Variants in MAN1A2 observed in about 807,000 individuals in gnomAD.
The protein encoded by MAN1A2 is mannosyl-oligosaccharide 1,2-alpha-mannosidase IB.
MAN1A2 carries 26 observed loss-of-function variants against 75.7 expected under a neutral mutation model. The ratio of observed to expected loss-of-function variants is 0.34; its 90% CI spans 0.25 to 0.48. The LOEUF is 0.48. MAN1A2 is among the 20% of genes least tolerant of loss of function. The probability of loss-of-function intolerance (pLI) is 0.99; values close to 1 mark genes in which losing one functional copy is unlikely to be tolerated. For synonymous variants in MAN1A2, 247 were observed against 264.6 expected (o/e 0.93, Z 0.65); for missense variants, 562 against 775.5 (o/e 0.72, Z 3.27).
At chr1:117,428,078 A>G (rs919349494) in intron 5 of MAN1A2, among the ~76,000 whole-genome samples, 2 of 150,968 alleles carry the variant, frequency 1.3e-5, no homozygotes, top group Non-Finnish European at 2.9e-5. Context: ...AACCACCAAT[A>G]AATAAACTGT....
rs867110741 is a variant in MAN1A2, at chr1:117,377,956, G to C, written c.302+9471G>C. 3.9e-5 allele frequency among the ~76,000 whole-genome samples: 6 copies of C among 152,078 alleles called. 1 individual carries two copies. The highest frequency in any genetic ancestry group is 3.3e-4 in the Admixed American group (5 of 15,266). On this transcript the variant is annotated intron_variant, in intron 1 of 12. Transcript: ENST00000356554. Reference sequence around the variant, plus strand: ...TCTACTAAAAATACAAAAAAAATTAGCCAGGCGTGGTGGTGGGCACCTGTA... The same window carrying C: ...TCTACTAAAAATACAAAAAAAATTACCCAGGCGTGGTGGTGGGCACCTGTA...
intron 3 of MAN1A2, among the ~76,000 whole-genome samples, chr1:117,412,506 ATTC>A (rs1436549995): frequency 2.0e-5 from 3 of 150,432 alleles, no homozygotes; most frequent in Admixed American, 6.6e-5. Context: ...AGTTTTTCTC[ATTC>A]TTCTATTATT....
chr1:117,515,056 G>A, intron 12 of MAN1A2: 1 of 296,232 alleles, frequency 3.4e-6, no homozygotes, highest in Non-Finnish European at 6.9e-6. Flanking sequence ...CTTGGAGTCT[G>A]GTTTAGAAAT....
chr1:117,503,639 A>G (rs1651266984), intron 12 of MAN1A2, among the ~76,000 whole-genome samples: 2 of 151,498 alleles, frequency 1.3e-5, no homozygotes, highest in African/African-American at 2.4e-5. Flanking sequence ...TCTTAAATTT[A>G]TTATTTGTAT....
chr1:117,476,871 G>A (rs1650329727), intron 8 of MAN1A2, among the ~76,000 whole-genome samples: 1 of 152,024 alleles, frequency 6.6e-6, no homozygotes, highest in Non-Finnish European at 1.5e-5. Context: ...GAAATTTAAA[G>A]TAGTTTTTTC....
In MAN1A2 at chr1:117,454,762, G is replaced by T. The variant is rs143036522; in HGVS notation, c.951-5727G>T. Among the ~76,000 whole-genome samples, 108 of 152,292 alleles carry T rather than the reference G, an allele frequency of 7.1e-4. 1 individual carries two copies. Among genetic ancestry groups the T allele is most frequent in the African/African-American group, 2.6e-3 (107 of 41,584 alleles). ...TAAAGCAAAAATAATAACTCGCATA[G>T]TGGGGCCTATAGTATACATAGGAGA... On this transcript the variant is annotated intron_variant, in intron 6 of 12. Transcript: ENST00000356554.
chr1:117,404,671 C>G (rs12137488), intron 2 of MAN1A2, among the ~76,000 whole-genome samples: 1 of 152,136 alleles, frequency 6.6e-6, no homozygotes, highest in Non-Finnish European at 1.5e-5. Flanking sequence ...TTGTTCCTAC[C>G]TGAATCACAT....
chr1:117,399,983 G>C (rs1021731070), intron 1 of MAN1A2, among the ~76,000 whole-genome samples: 1 of 152,124 alleles, frequency 6.6e-6, no homozygotes, highest in African/African-American at 2.4e-5. Flanking sequence ...GTGTTTTTCT[G>C]TTGGTAAAAT....
At chr1:117,392,126 C>T (rs1653740364) in intron 1 of MAN1A2, among the ~76,000 whole-genome samples, 1 of 152,066 alleles carries the variant, frequency 6.6e-6, no homozygotes, top group South Asian at 2.1e-4. Flanking sequence ...GCATTCTTTC[C>T]AAGATTTAAG....
At chr1:117,415,576 A>G (rs182146284) in intron 4 of MAN1A2, among the ~76,000 whole-genome samples, 20 of 152,306 alleles carry the variant, frequency 1.3e-4, no homozygotes, top group Non-Finnish European at 1.5e-5. Flanking sequence ...TATCTCAAAG[A>G]GAACAATTTT....
chr1:117,413,588 C>G (rs555137483), intron 3 of MAN1A2, among the ~76,000 whole-genome samples: 13 of 151,858 alleles, frequency 8.6e-5, no homozygotes, highest in African/African-American at 2.9e-4. Flanking sequence ...GGGTATAAAT[C>G]ATCATTTGAT....
In MAN1A2 at chr1:117,525,332, A is replaced by G. The variant is rs1030076252; in HGVS notation, c.*2375A>G. 2.2e-5 allele frequency: 5 copies of G among 229,286 alleles called. No individual in the cohort carries two copies. Among genetic ancestry groups the G allele is most frequent in the Admixed American group, 9.3e-5 (2 of 21,460 alleles). 14.2% of individuals were successfully genotyped at this position (229,286 alleles called of 1,614,324 possible). On this transcript the variant is annotated 3_prime_UTR_variant, in exon 13 of 13. Coordinates refer to ENST00000356554, the MANE Select transcript of MAN1A2 (RefSeq NM_006699.5). ...TTTATTCTCCTGAATACCAAAGGCA[A>G]TTAAAGTCAGCTACAAATGACTTGC... is the stretch of plus-strand genomic sequence containing the variant.
chr1:117,369,710 T>C (rs1192181900), intron 1 of MAN1A2, among the ~76,000 whole-genome samples: 1 of 152,238 alleles, frequency 6.6e-6, no homozygotes, highest in African/African-American at 2.4e-5. Flanking sequence ...TTTCGACTAC[T>C]GTACTCCTGT....
rs749848974 is a variant in MAN1A2 at position 117,368,444 on chromosome 1, C to A, written c.261C>A (p.Pro87=). The A allele has an allele frequency of 1.9e-6, 3 of 1,613,498 alleles. No individual in the cohort carries two copies. The highest frequency in any genetic ancestry group is 2.5e-6 in the Non-Finnish European group (3 of 1,179,924). The change falls in exon 1 of 13, where the codon CCC becomes CCA. Residue 87 remains proline (P), a synonymous_variant. Coordinates refer to ENST00000356554, the MANE Select transcript of MAN1A2 (RefSeq NM_006699.5). ...ATGCCGGTAAAGGGGCTAAAAACCC[C>A]GGAGTCTTCCTGATCCATGGACCCG... The part of the protein sequence containing the change: ...HVDAGKGAKN[P]GVFLIHGPDE...
intron 5 of MAN1A2, among the ~76,000 whole-genome samples, chr1:117,428,506 TATC>T (rs1396791313): frequency 6.6e-6 from 1 of 152,088 alleles, no homozygotes; most frequent in Non-Finnish European, 1.5e-5. Flanking sequence ...CCAAAAATAA[TATC>T]ATACACCTAT....
At chr1:117,413,873 TTACTC>T (rs1374201460) in intron 3 of MAN1A2, among the ~76,000 whole-genome samples, 1 of 152,000 alleles carries the variant, frequency 6.6e-6, no homozygotes, top group African/African-American at 2.4e-5. Context: ...ACTAGATTTT[TTACTC>T]TACTAGTAGC....
intron 1 of MAN1A2, among the ~76,000 whole-genome samples, chr1:117,368,708 G>T (rs1394597246): frequency 6.6e-6 from 1 of 152,072 alleles, no homozygotes; most frequent in Non-Finnish European, 1.5e-5. Context: ...TCCTACCTAA[G>T]TCGTTCTTCT....
intron 5 of MAN1A2, among the ~76,000 whole-genome samples, chr1:117,437,614 C>G (rs1160286074): frequency 6.6e-6 from 1 of 152,038 alleles, no homozygotes; most frequent in Non-Finnish European, 1.5e-5. Flanking sequence ...GGTTTAAATT[C>G]AGACTAACTG....
chr1:117,377,017 G>A (rs1157921931), intron 1 of MAN1A2, among the ~76,000 whole-genome samples: 1 of 152,122 alleles, frequency 6.6e-6, no homozygotes, highest in Admixed American at 6.5e-5. Context: ...GGAGGTCCTG[G>A]AACCAATTCC....
Sources: allele counts gnomAD v4.1 joint callset (sites outside exome capture counted in the v4.1 genomes callset), GRCh38; gene constraint gnomAD v4.1.1; transcripts MANE v1.5; gene names NCBI Gene and HGNC (gene_info 2026-07-23, HGNC 2026-07-21).